Variants in ACTR3C observed in about 807,000 individuals in gnomAD.
ACTR3C encodes the protein actin-related protein 3C.
In ACTR3C, 18 loss-of-function variants were observed where a neutral mutation model predicts 26.3. The observed-to-expected ratio is 0.68, with a 90% CI of 0.47 to 1.01. The LOEUF (loss-of-function observed/expected upper bound fraction) is 1.01, where lower values mean the gene tolerates loss of function less well. ACTR3C is among the 50% of genes least tolerant of loss of function. The pLI is 0.00. For synonymous variants in ACTR3C, 55 were observed against 94.5 expected, an observed-to-expected ratio of 0.58 and a Z score of 2.42; for missense variants, 184 against 250.7, an observed-to-expected ratio of 0.73 and a Z score of 1.80.
the ACTR3C span, among the ~76,000 whole-genome samples, chr7:149,903,754 G>T: frequency 6.7e-6 from 1 of 150,072 alleles, no homozygotes; most frequent in Admixed American, 6.7e-5. Context: ...ATGTTGCCAA[G>T]GCTGGTCTCA....
the ACTR3C span, among the ~76,000 whole-genome samples, chr7:150,042,137 CAG>C: frequency 2.3e-5 from 1 of 44,418 alleles, no homozygotes. Flanking sequence ...TCCTAAGAGC[CAG>C]TGGGGGAACC....
At chr7:149,891,611 G>C in the ACTR3C span, among the ~76,000 whole-genome samples, 1 of 151,912 alleles carries the variant, frequency 6.6e-6, no homozygotes, top group Non-Finnish European at 1.5e-5. Context: ...GCTCACCCGA[G>C]CCCAGGAGTT....
At chr7:149,902,198 G>T in the ACTR3C span, among the ~76,000 whole-genome samples, 2 of 151,928 alleles carry the variant, frequency 1.3e-5, no homozygotes, top group African/African-American at 4.8e-5. Context: ...TCAAAAGACT[G>T]TTAGATATTT....
At chr7:149,995,470 G>A in the ACTR3C span, among the ~76,000 whole-genome samples, 34 of 152,194 alleles carry the variant, frequency 2.2e-4, no homozygotes, top group African/African-American at 7.7e-4. Flanking sequence ...CTGAGCTCCA[G>A]GCTCTAGCTG....
the ACTR3C span, among the ~76,000 whole-genome samples, chr7:150,039,638 C>T: frequency 4.1e-5 from 6 of 147,242 alleles, no homozygotes; most frequent in Admixed American, 6.7e-5. Flanking sequence ...CAACTAACAC[C>T]CACAGTCCTC....
At chr7:149,888,923 G>A in the ACTR3C span, among the ~76,000 whole-genome samples, 248 of 152,032 alleles carry the variant, frequency 1.6e-3, 1 homozygote, top group African/African-American at 5.7e-3. Context: ...CAGGAGAATC[G>A]CTTGAACCTG....
At chr7:150,136,594 C>A in the ACTR3C span, among the ~76,000 whole-genome samples, 2 of 151,814 alleles carry the variant, frequency 1.3e-5, no homozygotes, top group African/African-American at 2.4e-5. Flanking sequence ...CATTTGAGCC[C>A]GGGAGATGGA....
At chr7:150,307,862 T>C (rs1361000753) in intron 1 of ACTR3C, among the ~76,000 whole-genome samples, 3 of 152,192 alleles carry the variant, frequency 2.0e-5, no homozygotes, top group African/African-American at 7.2e-5. Flanking sequence ...TGGCCTCTTT[T>C]TATTCTCTTC....
chr7:149,941,066 C>T, the ACTR3C span, among the ~76,000 whole-genome samples: 2 of 152,204 alleles, frequency 1.3e-5, no homozygotes, highest in Admixed American at 1.3e-4. Flanking sequence ...AAAGCCACGA[C>T]CTTCTGTCCC....
the ACTR3C span, among the ~76,000 whole-genome samples, chr7:150,192,765 T>C: frequency 9.8e-5 from 15 of 152,354 alleles, no homozygotes; most frequent in Admixed American, 7.8e-4. Context: ...GTCTTATGAT[T>C]CATGGTGAAC....
At chr7:150,107,316 TTTAAATGAATA>T in the ACTR3C span, among the ~76,000 whole-genome samples, 1 of 151,652 alleles carries the variant, frequency 6.6e-6, no homozygotes, top group African/African-American at 2.4e-5. Context: ...TGAAATAAAA[TTTAAATGAATA>T]TCAGTGTCAA....
At chr7:150,100,375 C>A in the ACTR3C span, among the ~76,000 whole-genome samples, 1 of 151,716 alleles carries the variant, frequency 6.6e-6, no homozygotes, top group Non-Finnish European at 1.5e-5. Context: ...GGACACACAA[C>A]CCCATCTATT....
At chr7:150,172,955 C>G in the ACTR3C span, among the ~76,000 whole-genome samples, 8 of 149,262 alleles carry the variant, frequency 5.4e-5, no homozygotes, top group African/African-American at 2.1e-4. Flanking sequence ...TGGTCTTGGG[C>G]AGCTCCACTC....
chr7:150,229,921 A>G, the ACTR3C span, among the ~76,000 whole-genome samples: 1 of 151,906 alleles, frequency 6.6e-6, no homozygotes. Flanking sequence ...TTTTTAAAAT[A>G]CTTGGCAGAA....
chr7:150,067,554 T>TA, the ACTR3C span, among the ~76,000 whole-genome samples: 3 of 151,926 alleles, frequency 2.0e-5, no homozygotes, highest in South Asian at 6.2e-4. Context: ...ACTTGTGGGG[T>TA]ACATAAAAAT....
chr7:150,202,826 A>C, the ACTR3C span, among the ~76,000 whole-genome samples: 4 of 152,258 alleles, frequency 2.6e-5, no homozygotes, highest in Admixed American at 1.3e-4. Context: ...AAGCTTGTTA[A>C]TGGCCACATA....
the ACTR3C span, among the ~76,000 whole-genome samples, chr7:150,067,529 G>T: frequency 6.6e-6 from 1 of 152,080 alleles, no homozygotes; most frequent in African/African-American, 2.4e-5. Flanking sequence ...CGAACCTCTG[G>T]ACTCAGATTC....
the ACTR3C span, among the ~76,000 whole-genome samples, chr7:150,019,524 A>G: frequency 6.0e-5 from 9 of 150,826 alleles, no homozygotes; most frequent in Non-Finnish European, 1.0e-4. Context: ...CCCGGGAGGC[A>G]GAGGTTGCAG....
chr7:149,972,343 C>T, the ACTR3C span, among the ~76,000 whole-genome samples: 7 of 152,368 alleles, frequency 4.6e-5, no homozygotes, highest in South Asian at 1.2e-3. Context: ...AAACCATTTA[C>T]TGCTTTCTAT....
Sources: gnomAD v4.1 joint callset for allele counts (sites outside exome capture counted in the v4.1 genomes callset) on GRCh38, gnomAD v4.1.1 for gene constraint, MANE v1.5 for transcripts, NCBI Gene and HGNC (gene_info 2026-07-23, HGNC 2026-07-21) for gene names.